The following PDE1C variants were observed in gnomAD, a reference collection of about 807,000 sequenced individuals.
The protein encoded by PDE1C is dual specificity calcium/calmodulin-dependent 3',5'-cyclic nucleotide phosphodiesterase 1C.
PDE1C carries 62 observed loss-of-function variants against 93.1 expected under a neutral mutation model. The observed-to-expected ratio is 0.67, with a 90% CI of 0.54 to 0.82. The LOEUF is 0.82. Among genes scored for constraint, PDE1C ranks in the 40% least tolerant of loss-of-function variants. The pLI, the probability that PDE1C is intolerant of heterozygous loss-of-function variation, is 0.00. For synonymous variants in PDE1C, 325 were observed against 310.1 expected (o/e 1.05, Z -0.50); for missense variants, 742 against 884.6 (o/e 0.84, Z 2.04).
intron 2 of PDE1C, among the ~76,000 whole-genome samples, chr7:31,987,546 A>G (rs1783575968): frequency 6.6e-6 from 1 of 152,234 alleles, no homozygotes; most frequent in Non-Finnish European, 1.5e-5. Context: ...CAGTCTCCTC[A>G]CAGAGCTTTG....
chr7:31,924,075 C>T (rs1431847249), intron 2 of PDE1C, among the ~76,000 whole-genome samples: 1 of 152,118 alleles, frequency 6.6e-6, no homozygotes, highest in Non-Finnish European at 1.5e-5. Context: ...TTTTGGCTAG[C>T]ACTGTTCATT....
intron 2 of PDE1C, among the ~76,000 whole-genome samples, chr7:31,968,498 T>A (rs536681373): frequency 0.012 from 1,874 of 152,134 alleles, 15 homozygotes; most frequent in Non-Finnish European, 0.021. Flanking sequence ...TGCTCATGGG[T>A]AGGAAGAATC....
upstream of PDE1C, among the ~76,000 whole-genome samples, chr7:32,303,046 T>C (rs1260190827): frequency 6.6e-6 from 1 of 152,184 alleles, no homozygotes; most frequent in Non-Finnish European, 1.5e-5. Flanking sequence ...TTGGCTGTAA[T>C]TGATAGAACC....
intron 1 of PDE1C, among the ~76,000 whole-genome samples, chr7:32,236,243 A>G (rs1025641613): frequency 6.6e-6 from 1 of 152,146 alleles, no homozygotes; most frequent in African/African-American, 2.4e-5. Flanking sequence ...GTATTGGAAC[A>G]CTCAATTCTT....
intron 1 of PDE1C, among the ~76,000 whole-genome samples, chr7:32,327,825 C>CA (rs1783435634): frequency 8.1e-6 from 1 of 122,920 alleles, no homozygotes; most frequent in Non-Finnish European, 1.8e-5. Flanking sequence ...TTGTGTCTGG[C>CA]TTCTTTCACT....
intron 1 of PDE1C, among the ~76,000 whole-genome samples, chr7:32,341,498 A>G (rs544007236): frequency 6.6e-6 from 1 of 152,184 alleles, no homozygotes; most frequent in Admixed American, 6.5e-5. Context: ...ATCACACTGA[A>G]CTGCTGTGTG....
chr7:32,360,248 G>A (rs1415682327), intron 1 of PDE1C, among the ~76,000 whole-genome samples: 1 of 152,192 alleles, frequency 6.6e-6, no homozygotes, highest in Non-Finnish European at 1.5e-5. Context: ...AATTGTCTTT[G>A]CGATCTATAA....
intron 2 of PDE1C, among the ~76,000 whole-genome samples, chr7:31,983,394 T>A (rs1473746915): frequency 4.6e-5 from 7 of 152,148 alleles, no homozygotes; most frequent in Admixed American, 4.6e-4. Flanking sequence ...TATCCAGCCC[T>A]CATTTAAGAT....
intron 3 of PDE1C, among the ~76,000 whole-genome samples, chr7:32,138,158 G>C (rs1396309403): frequency 6.6e-6 from 1 of 152,032 alleles, no homozygotes; most frequent in Non-Finnish European, 1.5e-5. Context: ...TCAAATTCTA[G>C]TTTTATATCC....
chr7:31,855,069 T>A (rs1171043013), intron 7 of PDE1C, among the ~76,000 whole-genome samples: 7 of 107,040 alleles, frequency 6.5e-5, no homozygotes, highest in South Asian at 3.6e-4. Context: ...TCCCTCTGTC[T>A]AAAAAAAAAA....
At chr7:32,089,848 C>G (rs893249767) in intron 3 of PDE1C, among the ~76,000 whole-genome samples, 1 of 152,210 alleles carries the variant, frequency 6.6e-6, no homozygotes, top group Non-Finnish European at 1.5e-5. Context: ...AACTCTCTAT[C>G]ACCACAATCC....
At chr7:31,876,726 G>C (rs1262032538) in intron 5 of PDE1C, among the ~76,000 whole-genome samples, 1 of 152,186 alleles carries the variant, frequency 6.6e-6, no homozygotes, top group Non-Finnish European at 1.5e-5. Context: ...ACATTACACT[G>C]AAGTATTGGG....
chr7:31,772,147 C>T (rs1795532941), intron 17 of PDE1C, among the ~76,000 whole-genome samples: 1 of 152,072 alleles, frequency 6.6e-6, no homozygotes, highest in Non-Finnish European at 1.5e-5. Flanking sequence ...TAAACTTCCA[C>T]TTCAGAGCCT....
intron 2 of PDE1C, among the ~76,000 whole-genome samples, chr7:32,185,902 G>C (rs2128816566): frequency 6.6e-6 from 1 of 152,304 alleles, no homozygotes; most frequent in Admixed American, 6.5e-5. Context: ...ATTACAGCAA[G>C]TTTCACTGGA....
chr7:31,947,982 C>G (rs1235938885), intron 2 of PDE1C, among the ~76,000 whole-genome samples: 1 of 152,196 alleles, frequency 6.6e-6, no homozygotes, highest in Admixed American at 6.5e-5. Flanking sequence ...AGATTTACCT[C>G]TATTTTTAGG....
intron 1 of PDE1C, among the ~76,000 whole-genome samples, chr7:32,239,159 G>A (rs1233303117): frequency 6.6e-6 from 1 of 152,160 alleles, no homozygotes; most frequent in East Asian, 1.9e-4. Context: ...CTCAGCTCAG[G>A]AGTTGAGTCT....
chr7:32,169,854 G>A (rs984674797), exon 3 of PDE1C: 52 of 1,612,500 alleles, frequency 3.2e-5, no homozygotes, highest in Non-Finnish European at 4.4e-5. Context: ...GATCTCCTCT[G>A]GGGGTCGAGG....
At chr7:31,676,592 T>C in the PDE1C span, among the ~76,000 whole-genome samples, 1 of 152,116 alleles carries the variant, frequency 6.6e-6, no homozygotes, top group Non-Finnish European at 1.5e-5. Context: ...CATATATGTG[T>C]GTTTGTGTGG....
rs549874382 is a variant in PDE1C, at chr7:32,079,131, T to G, written c.308+90654A>C. Among the ~76,000 whole-genome samples the G allele has an allele frequency of 2.8e-4, 43 of 152,310 alleles. 1 individual carries two copies. In the South Asian group the frequency reaches 8.1e-3, roughly 29 times the overall value. ...TCTTTTCTCTGTATCTGGAGGGAAA[T>G]GATCTCACAAAACAAATAAATGCTG... On this transcript the variant is annotated intron_variant, in intron 3 of 18. Coordinates refer to the PDE1C transcript ENST00000396193.
Sources: allele counts gnomAD v4.1 joint callset (sites outside exome capture counted in the v4.1 genomes callset), GRCh38; gene constraint gnomAD v4.1.1; transcripts MANE v1.5; gene names NCBI Gene and HGNC (gene_info 2026-07-23, HGNC 2026-07-21).